SRSF11: variants seen among roughly 807,000 people sequenced by gnomAD.
SRSF11 encodes the protein serine/arginine-rich splicing factor 11.
SRSF11 carries 9 observed loss-of-function variants against 56.0 expected under a neutral mutation model. The ratio of observed to expected loss-of-function variants is 0.16; its 90% CI spans 0.10 to 0.28. SRSF11 has a LOEUF of 0.28. Ranked by LOEUF, SRSF11 falls within the 10% of genes least tolerant of loss-of-function variation. SRSF11 has a pLI of 1.00. For synonymous variants in SRSF11, 222 were observed against 215.3 expected (o/e 1.03, Z -0.27); for missense variants, 421 against 600.7 (o/e 0.70, Z 3.13).
intron 1 of SRSF11, 93 bp downstream of exon 1, chr1:70,221,932 C>A: frequency 6.5e-7 from 1 of 1,529,640 alleles, no homozygotes; most frequent in Non-Finnish European, 8.8e-7. Context: ...GCTGCTTCCC[C>A]GGGCCAGGCT....
chr1:70,235,490 TA>T lies in SRSF11; in HGVS notation c.541-10del. On this transcript the variant is annotated splice_polypyrimidine_tract_variant and intron_variant, in intron 4 of 11. Transcript: ENST00000370949. ...ATGTATTCTCATTATTCTTATGTTT[TA>T]TTTTTACAGTCTCTTGCTGCAGATC... 6.2e-7 allele frequency: 1 copy of T among 1,602,612 alleles called. No individual in the cohort carries two copies. The highest frequency in any genetic ancestry group is 1.1e-5 in the South Asian group (1 of 88,432).
At chr1:70,231,928 C>T (rs1672916006) in intron 2 of SRSF11, 7 of 1,529,520 alleles carry the variant, frequency 4.6e-6, no homozygotes, top group Admixed American at 2.0e-5. Context: ...CCTGGAGAAC[C>T]GACTGTGCTT....
chr1:70,236,802 T>G (rs1179049106), intron 5 of SRSF11, among the ~76,000 whole-genome samples: 3 of 137,870 alleles, frequency 2.2e-5, no homozygotes, highest in African/African-American at 8.2e-5. Context: ...ATTTTTTTTT[T>G]TTTTTTTTTT....
chr1:70,216,577 GCACAC>G (rs1670029162), upstream of SRSF11, among the ~76,000 whole-genome samples: 1 of 151,894 alleles, frequency 6.6e-6, no homozygotes, highest in Non-Finnish European at 1.5e-5. Flanking sequence ...GACCACAGGT[GCACAC>G]CACTACACCC....
chr1:70,241,898 G>C (rs540259842), intron 7 of SRSF11, among the ~76,000 whole-genome samples: 50 of 152,004 alleles, frequency 3.3e-4, no homozygotes, highest in South Asian at 2.5e-3. Flanking sequence ...GGCCGGGTGG[G>C]GTGGCTCACG....
In SRSF11 at chr1:70,250,617, C is replaced by A. The variant is rs1239430203; in HGVS notation, c.1267C>A (p.Arg423=). ...ESDKDVKQVT[R]DYDEEEQGYD... is the part of the protein sequence containing the mutation. ...ATTCTCCTTGGCAAAGCAGGTTACA[C>A]GGGATTATGATGAAGAGGAACAGGG... Residue 423 remains arginine, a synonymous_variant, in exon 12 of 12, where the codon CGG becomes AGG. Coordinates refer to ENST00000370949, the MANE Select transcript of SRSF11 (RefSeq NM_001350605.2). 2 of 1,613,204 alleles carry A rather than the reference C, an allele frequency of 1.2e-6. No homozygotes were observed. The highest frequency in any genetic ancestry group is 1.7e-6 in the Non-Finnish European group (2 of 1,179,834).
chr1:70,207,546 T>G (rs1228993929), intron 1 of SRSF11, among the ~76,000 whole-genome samples: 1 of 152,040 alleles, frequency 6.6e-6, no homozygotes, highest in Non-Finnish European at 1.5e-5. Flanking sequence ...CTGTAATCAT[T>G]GTAAGAGACA....
At chr1:70,205,916 T>TTTTTA in intron 1 of SRSF11, 1 of 163,212 alleles carries the variant, frequency 6.1e-6, no homozygotes, top group South Asian at 2.0e-4. Flanking sequence ...TCCCCTCTCC[T>TTTTTA]AGTCTGAACG....
At chr1:70,232,230 A>G (rs1164765785) in intron 2 of SRSF11, 38 bp from the exon 3 acceptor site, 7 of 1,614,044 alleles carry the variant, frequency 4.3e-6, no homozygotes, top group Non-Finnish European at 5.9e-6. Context: ...TCTGTCTTAG[A>G]AAAGAATGTG....
At position 70,250,465 on chromosome 1, in the gene SRSF11, G is replaced by T. The variant is rs759643219; in HGVS notation, c.1219G>T (p.Asp407Tyr). 1 of 1,600,466 alleles carries T rather than the reference G, an allele frequency of 6.2e-7. No homozygotes were observed. Among genetic ancestry groups the T allele is most frequent in the Non-Finnish European group, 8.6e-7 (1 of 1,167,832 alleles). Residue 407 changes from aspartate to tyrosine, a missense_variant, in exon 11 of 12, where the codon GAC becomes TAC. Asp to Tyr is a radical substitution (Grantham distance 160). Around this residue, in one of 2 missense-constraint regions of SRSF11, gnomAD observed 253 missense variants for 305.8 expected, o/e 0.83. Coordinates refer to ENST00000370949, the MANE Select transcript of SRSF11 (RefSeq NM_001350605.2). ...GAAGAAGAGTAAAGATAAGGAAAAGGACCGGGAAAGAAAATCAGAGAGTGA... is the reference window on the plus strand; with the variant it reads ...GAAGAAGAGTAAAGATAAGGAAAAGTACCGGGAAAGAAAATCAGAGAGTGA... ...KKKKSKDKEK[D>Y]RERKSESDKD...
intron 2 of SRSF11, chr1:70,230,406 G>T: frequency 8.8e-7 from 1 of 1,136,068 alleles, no homozygotes; most frequent in South Asian, 1.9e-5. Context: ...CATAGTCTAC[G>T]GTAAGGAATA....
intron 9 of SRSF11, chr1:70,247,156 T>C: frequency 2.0e-6 from 2 of 982,772 alleles, no homozygotes; most frequent in Non-Finnish European, 2.6e-6. Flanking sequence ...AGAGGTGAGT[T>C]TTTCTCTTTA....
In SRSF11 at chr1:70,252,725, G is replaced by GT. The variant is rs1678120499; in HGVS notation, c.*1921dup. 6.7e-6 allele frequency: 1 copy of GT among 148,776 alleles called. No individual in the cohort carries two copies. The highest frequency in any genetic ancestry group is 1.5e-5 in the Non-Finnish European group (1 of 67,980). 9.2% of individuals were successfully genotyped at this position (148,776 alleles called of 1,614,324 possible). A position where few individuals can be genotyped will look rare whatever the true frequency, so the allele number is the denominator to read the frequency against. ...TGAACCATGTGACATGGGCATTTTT[G>GT]TAAGTCAAAAACAAATTTCACATAT... On this transcript the variant is annotated 3_prime_UTR_variant, in exon 12 of 12. Transcript: ENST00000370949.
At chr1:70,219,506 A>C (rs555713943), upstream of SRSF11, among the ~76,000 whole-genome samples, 1 of 152,316 alleles carries the variant, frequency 6.6e-6, no homozygotes, top group African/African-American at 2.4e-5. Context: ...TTTTTTTCCA[A>C]ATATTTTCAG....
At position 70,226,965 on chromosome 1, in the gene SRSF11, A is replaced by G. The variant is rs992771574; in HGVS notation, c.204-1457A>G. On this transcript the variant is annotated intron_variant, in intron 1 of 11. Transcript: ENST00000370949. ...AAGAAACATTCAACAGTAAGCCTGT[A>G]TAACAAGGTGGCTTAACTTGCTTGT... Among the ~76,000 whole-genome samples the G allele has an allele frequency of 1.1e-4, 16 of 152,366 alleles. No homozygotes were observed. In the East Asian group the frequency reaches 3.1e-3, roughly 29 times the overall value.
chr1:70,252,521 C>T lies in SRSF11; in HGVS notation c.*1716C>T, dbSNP rs1476579670. The T allele has an allele frequency of 6.6e-6, 1 of 151,364 alleles. No homozygotes were observed. Among genetic ancestry groups the T allele is most frequent in the East Asian group, 1.9e-4 (1 of 5,174 alleles). The allele number at this position is 151,364 out of a possible 1,614,324, so 9.4% of individuals were successfully genotyped here. A position where few individuals can be genotyped will look rare whatever the true frequency, so the allele number is the denominator to read the frequency against. Reference sequence around the variant, plus strand: ...TTTTTTTAACCTAAAAACTGAAATGCCATATAGAAAAACAGCATTGTTTTT... The same window carrying T: ...TTTTTTTAACCTAAAAACTGAAATGTCATATAGAAAAACAGCATTGTTTTT... On this transcript the variant is annotated 3_prime_UTR_variant, in exon 12 of 12. Transcript: ENST00000370949.
chr1:70,212,119 T>A (rs1669611539), intron 1 of SRSF11, among the ~76,000 whole-genome samples: 1 of 152,172 alleles, frequency 6.6e-6, no homozygotes, highest in African/African-American at 2.4e-5. Flanking sequence ...TACTGTACTT[T>A]ATTTTTAAGA....
rs115239201 is a variant in SRSF11 at position 70,241,578 on chromosome 1, G to A, written c.800+2058G>A. Among the ~76,000 whole-genome samples the A allele has an allele frequency of 9.6e-3, 1,460 of 152,228 alleles. 25 individuals carry two copies. The highest frequency in any genetic ancestry group is 0.033 in the African/African-American group (1,378 of 41,534). On this transcript the variant is annotated intron_variant, in intron 7 of 11. Coordinates refer to ENST00000370949, the MANE Select transcript of SRSF11 (RefSeq NM_001350605.2). ...GGCTTTCAGGGTTCTTTACTATTCCGTCTGGTTTATCTTTTTACACGTGTC... is the reference window on the plus strand; with the variant it reads ...GGCTTTCAGGGTTCTTTACTATTCCATCTGGTTTATCTTTTTACACGTGTC...
At chr1:70,228,818 C>T in intron 2 of SRSF11, 2 of 1,121,226 alleles carry the variant, frequency 1.8e-6, no homozygotes, top group Non-Finnish European at 2.2e-6. Context: ...TATTGTAACT[C>T]CCTGAGATAC....
Sources: gnomAD v4.1 joint callset for allele counts (sites outside exome capture counted in the v4.1 genomes callset) on GRCh38, gnomAD v4.1.1 for gene constraint, gnomAD v4.1.1 regional missense constraint, MANE v1.5 for transcripts, NCBI Gene and HGNC (gene_info 2026-07-23, HGNC 2026-07-21) for gene names.